Variants in MIEF1 observed in about 807,000 individuals in gnomAD.
MIEF1 encodes mitochondrial dynamics protein MIEF1.
In MIEF1, 14 loss-of-function variants were observed where a neutral mutation model predicts 35.1. That is an observed-to-expected ratio of 0.40 (90% CI 0.26 to 0.62). MIEF1 has a LOEUF of 0.62. Ranked by LOEUF, MIEF1 falls within the 20% of genes least tolerant of loss-of-function variation. The probability of loss-of-function intolerance (pLI) is 0.43; values close to 1 mark genes in which losing one functional copy is unlikely to be tolerated. For synonymous variants in MIEF1, 245 were observed against 254.3 expected (o/e 0.96, Z 0.35); for missense variants, 542 against 615.4 (o/e 0.88, Z 1.26).
At position 39,515,513 on chromosome 22, in the gene MIEF1, CT is replaced by C. The variant is rs1269962493; in HGVS notation, c.*1191del. The stretch of plus-strand genomic sequence containing the variant: ...GTGAGCATGCACGGACCTCTTCCCC[CT>C]GTCCTGTTTCTCACCCAGCACCTGG... On this transcript the variant is annotated 3_prime_UTR_variant, in exon 6 of 6. Coordinates refer to ENST00000325301, the MANE Select transcript of MIEF1 (RefSeq NM_019008.6). The C allele has an allele frequency of 4.9e-6, 3 of 608,206 alleles. No homozygotes were observed. The highest frequency in any genetic ancestry group is 2.8e-5 in the East Asian group (1 of 36,070). 37.7% of individuals were successfully genotyped at this position (608,206 alleles called of 1,614,324 possible).
intron 5 of MIEF1, among the ~76,000 whole-genome samples, 175 bp from the exon 6 acceptor site, chr22:39,513,342 G>A (rs957955867): frequency 1.3e-5 from 2 of 152,168 alleles, no homozygotes; most frequent in Non-Finnish European, 2.9e-5. Flanking sequence ...GACCTCAAGT[G>A]AGCCAGCCGC....
At chr22:39,509,184 G>C (rs979175444) in intron 2 of MIEF1, among the ~76,000 whole-genome samples, 1 of 152,096 alleles carries the variant, frequency 6.6e-6, no homozygotes, top group Non-Finnish European at 1.5e-5. Flanking sequence ...TTGAACTTCC[G>C]ACCTCGTGAT....
At chr22:39,500,856 C>T (rs111672298), upstream of MIEF1, among the ~76,000 whole-genome samples, 4 of 151,828 alleles carry the variant, frequency 2.6e-5, no homozygotes, top group Admixed American at 6.6e-5. Context: ...CCACCACTCC[C>T]GGCTAATTTT....
upstream of MIEF1, among the ~76,000 whole-genome samples, chr22:39,500,871 T>G (rs187504783): frequency 3.2e-4 from 48 of 152,084 alleles, no homozygotes; most frequent in Middle Eastern, 6.8e-3. Flanking sequence ...AATTTTTGTA[T>G]TTTTAGTAGA....
chr22:39,511,477 G>A, intron 3 of MIEF1, 39 bp downstream of exon 3: 9 of 1,508,828 alleles, frequency 6.0e-6, no homozygotes, highest in South Asian at 1.3e-5. Flanking sequence ...GGAATGTAGT[G>A]GTATGGTCAT....
chr22:39,512,298 G>A lies in MIEF1; in HGVS notation c.389G>A (p.Arg130Gln), dbSNP rs749239462. ...RKGQVDLKKS[R>Q]LRMSLQEKLL... The stretch of plus-strand genomic sequence containing the variant: ...GGCCAGGTAGACTTGAAGAAGTCAC[G>A]ACTCCGCATGTCCCTGCAGGAGAAA... The change falls in exon 5 of 6, where the codon CGA becomes CAA. Residue 130 changes from arginine to glutamine, a missense_variant. By Grantham distance (43) the Arg-to-Gln change is conservative. Coordinates refer to ENST00000325301, the MANE Select transcript of MIEF1 (RefSeq NM_019008.6). 5.6e-6 allele frequency: 9 copies of A among 1,614,100 alleles called. No homozygotes were observed. Among genetic ancestry groups the A allele is most frequent in the African/African-American group, 5.3e-5 (4 of 75,072 alleles).
Position 39,514,090 on chromosome 22 carries a change from A to G in MIEF1, c.1159A>G (p.Asn387Asp), listed in dbSNP as rs1411459910. ...CCACCTCACTGCCAGCCAGCTAACC[A>G]ATGTCATCCTCCACTTGGCCCAGGA... ...LGHLTASQLTNVILHLAQEEA... is the reference protein window; with the variant it reads ...LGHLTASQLTDVILHLAQEEA... Residue 387 changes from asparagine (N) to aspartate (D), a missense_variant, in exon 6 of 6, where the codon AAT becomes GAT. Coordinates refer to ENST00000325301, the MANE Select transcript of MIEF1 (RefSeq NM_019008.6). The G allele has an allele frequency of 1.2e-6, 2 of 1,613,972 alleles. No individual in the cohort carries two copies. The highest frequency in any genetic ancestry group is 1.3e-5 in the African/African-American group (1 of 74,914).
At position 39,512,333 on chromosome 22, in the gene MIEF1, T is replaced by C. The variant is rs775843761; in HGVS notation, c.424T>C (p.Tyr142His). ...GTCCCTGCAGGAGAAACTTCTTACTTACTACCGGAACCGGGCAGCCATCCC... is the reference window on the plus strand; with the variant it reads ...GTCCCTGCAGGAGAAACTTCTTACTCACTACCGGAACCGGGCAGCCATCCC... ...RMSLQEKLLT[Y>H]YRNRAAIPAG... The change falls in exon 5 of 6, where the codon TAC (tyrosine) becomes CAC (histidine). Residue 142 changes from tyrosine to histidine, a missense_variant. Tyr to His is a moderately conservative substitution (Grantham distance 83). Coordinates refer to ENST00000325301, the MANE Select transcript of MIEF1 (RefSeq NM_019008.6). 2.5e-6 allele frequency: 4 copies of C among 1,614,258 alleles called. No homozygotes were observed. In the Admixed American group the frequency reaches 6.7e-5, roughly 27 times the overall value.
chr22:39,513,729 T>C lies in MIEF1; in HGVS notation c.798T>C (p.Phe266=). 1 of 1,614,156 alleles carries C rather than the reference T, an allele frequency of 6.2e-7. No homozygotes were observed. Among genetic ancestry groups the C allele is most frequent in the East Asian group, 2.2e-5 (1 of 44,884 alleles). ...CTCCAAAGACAGTCGCAGATACATT[T>C]GAGAAGGTAGTGGCTGGCTCCATCA... is the stretch of plus-strand genomic sequence containing the variant. ...YLSPKTVADT[F]EKVVAGSINW... Residue 266 remains phenylalanine, a synonymous_variant, in exon 6 of 6, where the codon TTT becomes TTC. Coordinates refer to ENST00000325301, the MANE Select transcript of MIEF1 (RefSeq NM_019008.6).
At chr22:39,500,683 GTTTTC>G (rs912614369), upstream of MIEF1, among the ~76,000 whole-genome samples, 34 of 151,172 alleles carry the variant, frequency 2.2e-4, no homozygotes, top group African/African-American at 7.3e-4. Flanking sequence ...CTCCATCTTG[GTTTTC>G]TTTTCTTTTC....
rs1930583061 is a variant in MIEF1 at position 39,515,001 on chromosome 22, T to C, written c.*678T>C. 1 of 534,680 alleles carries C rather than the reference T, an allele frequency of 1.9e-6. No homozygotes were observed. The highest frequency in any genetic ancestry group is 3.3e-6 in the Non-Finnish European group (1 of 301,664). 33.1% of individuals were successfully genotyped at this position (534,680 alleles called of 1,614,324 possible). A position where few individuals can be genotyped will look rare whatever the true frequency, so the allele number is the denominator to read the frequency against. ...AACACTGTTAATGACCCACACAGGA[T>C]AAGCTGAATGCAAAGTTATTTGCAG... On this transcript the variant is annotated 3_prime_UTR_variant, in exon 6 of 6. Transcript: ENST00000325301.
rs144389397 is a variant in MIEF1 at position 39,511,861 on chromosome 22, G to A, written c.157G>A (p.Ala53Thr). The A allele has an allele frequency of 1.7e-5, 27 of 1,613,092 alleles. No homozygotes were observed. Among genetic ancestry groups the A allele is most frequent in the Non-Finnish European group, 2.3e-5 (27 of 1,179,380 alleles). Residue 53 changes from alanine (A) to threonine (T), a missense_variant, in exon 4 of 6, where the codon GCG becomes ACG. By Grantham distance (58) the Ala-to-Thr change is moderately conservative. Transcript: ENST00000325301. ...TCTGCTATTTCAGATGTACGATCGG[G>A]CGATCAGTGCCCCTACCAGCCCCAC... ...TLAVKRMYDR[A>T]ISAPTSPTRL...
At chr22:39,501,797 T>C (rs951880597), upstream of MIEF1, 1 of 151,768 alleles carries the variant, frequency 6.6e-6, no homozygotes, top group Non-Finnish European at 1.5e-5. Context: ...GCATTTGAGG[T>C]AGACTTTGAA....
At chr22:39,508,142 C>A (rs538840138) in intron 2 of MIEF1, among the ~76,000 whole-genome samples, 26 of 152,364 alleles carry the variant, frequency 1.7e-4, no homozygotes, top group Admixed American at 1.6e-3. Flanking sequence ...TTTTTCCTCA[C>A]TACAACCCTG....
At chr22:39,511,739 C>G in intron 3 of MIEF1, 110 bp from the exon 4 acceptor site, 1 of 1,404,318 alleles carries the variant, frequency 7.1e-7, no homozygotes, top group Non-Finnish European at 9.6e-7. Flanking sequence ...AAAATAAAAA[C>G]AAAATTACTA....
rs1930726723 is a variant in MIEF1, at chr22:39,517,341, C to T, written c.*3018C>T. The T allele has an allele frequency of 4.1e-6, 1 of 244,588 alleles. No homozygotes were observed. The highest frequency in any genetic ancestry group is 4.1e-5 in the South Asian group (1 of 24,098). The allele number at this position is 244,588 out of a possible 1,614,324, so 15.2% of individuals were successfully genotyped here. A position where few individuals can be genotyped will look rare whatever the true frequency, so the allele number is the denominator to read the frequency against. On this transcript the variant is annotated 3_prime_UTR_variant, in exon 6 of 6. Coordinates refer to ENST00000325301, the MANE Select transcript of MIEF1 (RefSeq NM_019008.6). ...AGATGACAGTATTTTTCTTTACATGCTTGGTTATGACTTTTAAAGTTTTAT... is the reference window on the plus strand; with the variant it reads ...AGATGACAGTATTTTTCTTTACATGTTTGGTTATGACTTTTAAAGTTTTAT...
chr22:39,504,324 T>G lies in MIEF1; in HGVS notation c.-218T>G, dbSNP rs1265391319. ...TCGCTACACTGATCGAGACTTCTAC[T>G]TTGCCTCCATCCGCCGTGAATTCCG... is the stretch of plus-strand genomic sequence containing the variant. On this transcript the variant is annotated 5_prime_UTR_variant, in exon 2 of 6. Transcript: ENST00000325301. The G allele has an allele frequency of 2.5e-6, 1 of 398,944 alleles. No individual in the cohort carries two copies. Among genetic ancestry groups the G allele is most frequent in the Non-Finnish European group, 4.4e-6 (1 of 226,094 alleles). 24.7% of individuals were successfully genotyped at this position (398,944 alleles called of 1,614,324 possible). A position where few individuals can be genotyped will look rare whatever the true frequency, so the allele number is the denominator to read the frequency against.
chr22:39,512,258 C>A lies in MIEF1; in HGVS notation c.349C>A (p.Pro117Thr). ...TDTFCPPRPK[P>T]VARKGQVDLK... Reference sequence around the variant, plus strand: ...TACATTCTGCCCGCCCCGGCCCAAGCCAGTGGCCAGGAAGGGCCAGGTAGA... The same window carrying A: ...TACATTCTGCCCGCCCCGGCCCAAGACAGTGGCCAGGAAGGGCCAGGTAGA... The change falls in exon 5 of 6, where the codon CCA becomes ACA. Residue 117 changes from proline to threonine, a missense_variant. By Grantham distance (38) the Pro-to-Thr change is conservative. Transcript: ENST00000325301. 1 of 1,613,728 alleles carries A rather than the reference C, an allele frequency of 6.2e-7. No individual in the cohort carries two copies. Among genetic ancestry groups the A allele is most frequent in the Non-Finnish European group, 8.5e-7 (1 of 1,180,016 alleles).
At chr22:39,507,275 T>C (rs191600660) in intron 2 of MIEF1, among the ~76,000 whole-genome samples, 32 of 152,100 alleles carry the variant, frequency 2.1e-4, no homozygotes, top group South Asian at 1.7e-3. Flanking sequence ...GATGGAGTCT[T>C]GCTCTGTCAC....
Sources: gnomAD v4.1 joint callset for allele counts (sites outside exome capture counted in the v4.1 genomes callset) on GRCh38, gnomAD v4.1.1 for gene constraint, MANE v1.5 for transcripts, NCBI Gene and HGNC (gene_info 2026-07-23, HGNC 2026-07-21) for gene names.